ATF1: variants seen among roughly 807,000 people sequenced by gnomAD.
ATF1 encodes cyclic AMP-dependent transcription factor ATF-1.
ATF1 carries 16 observed loss-of-function variants against 34.7 expected under a neutral mutation model. The observed-to-expected ratio is 0.46, with a 90% CI of 0.31 to 0.70. The LOEUF (loss-of-function observed/expected upper bound fraction) is 0.70, where lower values mean the gene tolerates loss of function less well. Ranked by LOEUF, ATF1 falls within the 30% of genes least tolerant of loss-of-function variation. ATF1 has a pLI of 0.05. For synonymous variants in ATF1, 105 were observed against 113.1 expected, an observed-to-expected ratio of 0.93 and a Z score of 0.46; for missense variants, 255 against 321.6, an observed-to-expected ratio of 0.79 and a Z score of 1.58.
intron 3 of ATF1, among the ~76,000 whole-genome samples, chr12:50,807,545 A>T (rs930295508): frequency 6.6e-6 from 1 of 152,172 alleles, no homozygotes; most frequent in Admixed American, 6.5e-5. Context: ...TTTTCCTGGA[A>T]GTAGAGGTTT....
At position 50,820,434 on chromosome 12, in the gene ATF1, T is replaced by TA. The variant is rs936105054; in HGVS notation, c.*656dup. ...AGTATGGTGATTTTATAACATTTTT[T>TA]ATCAGAATGGAAAAAGAACTGTTTA... On this transcript the variant is annotated 3_prime_UTR_variant, in exon 7 of 7. Coordinates refer to ENST00000262053, the MANE Select transcript of ATF1 (RefSeq NM_005171.5). 5.4e-6 allele frequency: 1 copy of TA among 184,508 alleles called. No homozygotes were observed. The highest frequency in any genetic ancestry group is 1.2e-5 in the Non-Finnish European group (1 of 86,724). 11.4% of individuals were successfully genotyped at this position (184,508 alleles called of 1,614,324 possible).
intron 1 of ATF1, among the ~76,000 whole-genome samples, chr12:50,778,870 C>G (rs923491262): frequency 1.4e-4 from 22 of 152,198 alleles, no homozygotes; most frequent in African/African-American, 5.3e-4. Flanking sequence ...CTTGAGCCAC[C>G]ATGCCCAGCC....
chr12:50,807,507 G>A (rs2139685661), intron 3 of ATF1, among the ~76,000 whole-genome samples: 1 of 152,242 alleles, frequency 6.6e-6, no homozygotes, highest in Non-Finnish European at 1.5e-5. Context: ...TAATAGAATG[G>A]TTTACTTTTT....
At chr12:50,809,246 C>T (rs1003095762) in intron 3 of ATF1, among the ~76,000 whole-genome samples, 1 of 151,780 alleles carries the variant, frequency 6.6e-6, no homozygotes, top group Middle Eastern at 3.2e-3. Context: ...TGGTGGCTCA[C>T]ACTTCTGGTC....
At position 50,809,336 on chromosome 12, in the gene ATF1, T is replaced by C. The variant is rs1235245250; in HGVS notation, c.195-120T>C. On this transcript the variant is annotated intron_variant, in intron 3 of 6. Transcript: ENST00000262053. ...TTGCAGTGAGCCATGATGGCGCCACTGTACTCCAGCCTGGGTGACAAAGCA... is the reference window on the plus strand; with the variant it reads ...TTGCAGTGAGCCATGATGGCGCCACCGTACTCCAGCCTGGGTGACAAAGCA... The C allele has an allele frequency of 5.7e-6, 5 of 880,442 alleles. No individual in the cohort carries two copies. The African/African-American group carries it at 8.9e-5, about 16-fold the overall frequency. The allele number at this position is 880,442 out of a possible 1,614,324, so 54.5% of individuals were successfully genotyped here.
chr12:50,765,999 C>G (rs991541611), intron 1 of ATF1, among the ~76,000 whole-genome samples: 1 of 152,146 alleles, frequency 6.6e-6, no homozygotes, highest in African/African-American at 2.4e-5. Context: ...ACTTTTACAT[C>G]GCACTGTGGA....
At chr12:50,807,628 T>C (rs1941640549) in intron 3 of ATF1, among the ~76,000 whole-genome samples, 1 of 152,142 alleles carries the variant, frequency 6.6e-6, no homozygotes, top group African/African-American at 2.4e-5. Context: ...ATTTTCATTC[T>C]AAGGGCTTTC....
At chr12:50,791,201 A>T (rs1386487995) in intron 2 of ATF1, among the ~76,000 whole-genome samples, 1 of 152,146 alleles carries the variant, frequency 6.6e-6, no homozygotes, top group Non-Finnish European at 1.5e-5. Flanking sequence ...AGGGATGATG[A>T]GACTGGGGTT....
intron 1 of ATF1, among the ~76,000 whole-genome samples, chr12:50,771,181 T>C (rs1940761401): frequency 6.6e-6 from 1 of 152,060 alleles, no homozygotes; most frequent in Admixed American, 6.6e-5. Context: ...GACTTTTATA[T>C]TTTTAGTAGA....
intron 3 of ATF1, among the ~76,000 whole-genome samples, chr12:50,796,338 G>C (rs1941408657): frequency 6.6e-6 from 1 of 152,174 alleles, no homozygotes; most frequent in African/African-American, 2.4e-5. Context: ...AAGTTACAAT[G>C]ATCTGTGATT....
chr12:50,787,554 A>G (rs1375067783), intron 2 of ATF1, among the ~76,000 whole-genome samples: 4 of 152,078 alleles, frequency 2.6e-5, no homozygotes, highest in African/African-American at 9.7e-5. Flanking sequence ...GCAACATGGC[A>G]AGCCTCCATT....
chr12:50,810,305 C>T (rs998268067), intron 4 of ATF1, among the ~76,000 whole-genome samples: 1 of 149,992 alleles, frequency 6.7e-6, no homozygotes. Context: ...GCAACTTCCA[C>T]CTCCCGGGTT....
At chr12:50,769,848 G>C (rs1940729397) in intron 1 of ATF1, among the ~76,000 whole-genome samples, 1 of 152,082 alleles carries the variant, frequency 6.6e-6, no homozygotes, top group Admixed American at 6.6e-5. Flanking sequence ...CTTAAATGCA[G>C]GTTTCTAATA....
intron 1 of ATF1, among the ~76,000 whole-genome samples, chr12:50,773,266 C>T (rs1239794124): frequency 6.6e-6 from 1 of 151,916 alleles, no homozygotes; most frequent in Non-Finnish European, 1.5e-5. Flanking sequence ...ATTTATATTC[C>T]TTTGGGTATA....
At chr12:50,799,124 C>G (rs1246776895) in intron 3 of ATF1, among the ~76,000 whole-genome samples, 2 of 152,172 alleles carry the variant, frequency 1.3e-5, no homozygotes, top group Admixed American at 1.3e-4. Flanking sequence ...GTGGCTCATG[C>G]CTGTAATCCC....
In ATF1 at chr12:50,820,987, T is replaced by C. The variant is rs376720445; in HGVS notation, c.*1208T>C. On this transcript the variant is annotated 3_prime_UTR_variant, in exon 7 of 7. Transcript: ENST00000262053. The stretch of plus-strand genomic sequence containing the variant: ...ATGCAGTTTATCTAAAATTCAAAAA[T>C]ACTGTCAGTACACCAGCGTTTAACA... The C allele has an allele frequency of 1.7e-5, 3 of 180,608 alleles. No individual in the cohort carries two copies. Among genetic ancestry groups the C allele is most frequent in the South Asian group, 3.9e-4 (2 of 5,066 alleles). 11.2% of individuals were successfully genotyped at this position (180,608 alleles called of 1,614,324 possible).
At chr12:50,813,262 G>A (rs1389179823) in intron 4 of ATF1, among the ~76,000 whole-genome samples, 1 of 152,098 alleles carries the variant, frequency 6.6e-6, no homozygotes, top group Non-Finnish European at 1.5e-5. Flanking sequence ...TAAATGAATA[G>A]ATTACATTTC....
chr12:50,815,098 G>A (rs1005138700), intron 6 of ATF1, among the ~76,000 whole-genome samples: 6 of 151,876 alleles, frequency 4.0e-5, no homozygotes, highest in African/African-American at 1.5e-4. Context: ...CTCCAGCCTG[G>A]GCAACAGAGT....
At chr12:50,778,198 G>A (rs1236848537) in intron 1 of ATF1, among the ~76,000 whole-genome samples, 1 of 150,164 alleles carries the variant, frequency 6.7e-6, no homozygotes, top group Non-Finnish European at 1.5e-5. Context: ...TCATGGGCGT[G>A]AGCCACCACA....
Sources: gnomAD v4.1 joint callset for allele counts (sites outside exome capture counted in the v4.1 genomes callset) on GRCh38, gnomAD v4.1.1 for gene constraint, MANE v1.5 for transcripts, NCBI Gene and HGNC (gene_info 2026-07-23, HGNC 2026-07-21) for gene names.